Variants in SEMA5B observed in about 807,000 individuals in gnomAD.
SEMA5B encodes the protein semaphorin 5B, also known as semaphorin-5B.
Under a neutral mutation model 135.0 loss-of-function variants are expected in SEMA5B, and 66 were observed. The observed-to-expected ratio is 0.49, with a 90% CI of 0.40 to 0.60. The LOEUF is 0.60. Among genes scored for constraint, SEMA5B ranks in the 20% least tolerant of loss-of-function variants. SEMA5B has a pLI of 0.00. For missense variants in SEMA5B, 1,501 were observed against 1,566.3 expected (o/e 0.96, Z 0.70); for synonymous variants, 690 against 639.5 (o/e 1.08, Z -1.19).
intron 2 of SEMA5B, 72 bp downstream of exon 2, chr3:122,961,068 G>T: frequency 6.8e-7 from 1 of 1,469,548 alleles, no homozygotes; most frequent in Non-Finnish European, 9.2e-7. Context: ...CCCAGATGAG[G>T]GGGTCTTCTC....
chr3:122,971,211 AT>A (rs1284172053), intron 1 of SEMA5B, among the ~76,000 whole-genome samples: 1 of 152,216 alleles, frequency 6.6e-6, no homozygotes, highest in Non-Finnish European at 1.5e-5. Context: ...TATCTGGTTA[AT>A]GTCTGCAAAC....
intron 2 of SEMA5B, 120 bp downstream of exon 2, chr3:122,961,020 A>G (rs1940550402): frequency 9.6e-7 from 1 of 1,046,410 alleles, no homozygotes; most frequent in Non-Finnish European, 1.4e-6. Context: ...CTGCTCAAAT[A>G]CAGTGGACTG....
intron 1 of SEMA5B, among the ~76,000 whole-genome samples, chr3:123,025,369 C>G (rs936884566): frequency 1.5e-4 from 23 of 152,180 alleles, no homozygotes; most frequent in Admixed American, 1.2e-3. Flanking sequence ...GTTCTCCCTC[C>G]CCAAACACAT....
Position 122,912,833 on chromosome 3 carries a change from G to C in SEMA5B, c.2725+10C>G, listed in dbSNP as rs1358813594. On this transcript the variant is annotated intron_variant, in intron 18 of 22. Transcript: ENST00000357599. ...TCGCTAGGCCAAGGATTCCTTCCGT[G>C]CAGGGTTACCTGGGCAAGCCTGGGG... is the stretch of plus-strand genomic sequence containing the variant. 6.4e-7 allele frequency: 1 copy of C among 1,556,670 alleles called. No homozygotes were observed. The highest frequency in any genetic ancestry group is 1.4e-5 in the African/African-American group (1 of 72,558).
At chr3:122,971,825 G>A (rs758104747) in intron 1 of SEMA5B, among the ~76,000 whole-genome samples, 4 of 152,242 alleles carry the variant, frequency 2.6e-5, no homozygotes, top group East Asian at 1.9e-4. Flanking sequence ...TCCTGAACTC[G>A]TCAATAGACA....
intron 2 of SEMA5B, among the ~76,000 whole-genome samples, chr3:122,954,946 C>A (rs1260628647): frequency 6.6e-6 from 1 of 150,736 alleles, no homozygotes; most frequent in Non-Finnish European, 1.5e-5. Flanking sequence ...GCACATACCA[C>A]CAGGCTGGGC....
chr3:122,930,608 C>T (rs943160502), intron 5 of SEMA5B, among the ~76,000 whole-genome samples: 2 of 152,192 alleles, frequency 1.3e-5, no homozygotes, highest in African/African-American at 2.4e-5. Context: ...AAAGGGTCCT[C>T]GAGTCTCTGA....
At chr3:122,934,940 T>C (rs1939179965) in intron 5 of SEMA5B, among the ~76,000 whole-genome samples, 3 of 152,082 alleles carry the variant, frequency 2.0e-5, no homozygotes, top group Non-Finnish European at 4.4e-5. Context: ...TGTTATGATA[T>C]GTCTGAGATT....
Position 122,976,136 on chromosome 3 carries a change from C to T in SEMA5B, c.-38-14835G>A, listed in dbSNP as rs1322424749. ...ACAGATGCAGCATGTGGTTTATACA[C>T]TCTCATCACTTCCTCACCCTGTGTT... On this transcript the variant is annotated intron_variant, in intron 1 of 22. Coordinates refer to ENST00000357599, the MANE Select transcript of SEMA5B (RefSeq NM_001031702.4). The T allele has an allele frequency of 5.2e-6, 8 of 1,535,162 alleles. 1 individual carries two copies. The highest frequency in any genetic ancestry group is 2.7e-5 in the African/African-American group (2 of 73,124).
At chr3:122,918,683 A>C (rs549540366) in intron 12 of SEMA5B, among the ~76,000 whole-genome samples, 11 of 152,188 alleles carry the variant, frequency 7.2e-5, no homozygotes, top group Non-Finnish European at 1.6e-4. Context: ...AGGATACCAG[A>C]TTCTTCATGG....
At chr3:122,941,768 G>A (rs1939574119) in intron 4 of SEMA5B, among the ~76,000 whole-genome samples, 1 of 152,242 alleles carries the variant, frequency 6.6e-6, no homozygotes, top group Admixed American at 6.5e-5. Context: ...GAATTAGGTT[G>A]AAGGATCACA....
intron 10 of SEMA5B, 36 bp downstream of exon 10, chr3:122,923,581 T>C: frequency 1.2e-6 from 2 of 1,612,230 alleles, no homozygotes; most frequent in Non-Finnish European, 1.7e-6. Context: ...GGTAAGGCAG[T>C]GTGTGAAGAC....
chr3:123,001,006 C>G (rs1183860221), intron 1 of SEMA5B, among the ~76,000 whole-genome samples: 2 of 152,148 alleles, frequency 1.3e-5, no homozygotes, highest in African/African-American at 4.8e-5. Flanking sequence ...AGATGGGGAG[C>G]CGGCTGATCC....
At chr3:123,017,341 T>TA (rs879737085) in intron 1 of SEMA5B, among the ~76,000 whole-genome samples, 3,270 of 145,122 alleles carry the variant, frequency 0.023, 114 homozygotes, top group African/African-American at 0.077. Flanking sequence ...ATCTTACAGT[T>TA]AAAAAAAAAA....
intron 5 of SEMA5B, among the ~76,000 whole-genome samples, chr3:122,938,144 T>C (rs1939384028): frequency 6.6e-6 from 1 of 152,242 alleles, no homozygotes; most frequent in African/African-American, 2.4e-5. Flanking sequence ...TATGTGCATA[T>C]TCCTTGCGGC....
chr3:122,993,095 T>G (rs932018392), intron 1 of SEMA5B: 1 of 152,234 alleles, frequency 6.6e-6, no homozygotes, highest in Non-Finnish European at 1.5e-5. Flanking sequence ...AACATTTCCC[T>G]GTAGAGTCCA....
At chr3:123,003,680 A>G (rs543552753) in intron 1 of SEMA5B, among the ~76,000 whole-genome samples, 1 of 152,164 alleles carries the variant, frequency 6.6e-6, no homozygotes, top group East Asian at 1.9e-4. Flanking sequence ...TAAAAATACA[A>G]AAAATTAGCC....
In SEMA5B at chr3:122,927,973, T is replaced by A; in HGVS notation, c.667A>T (p.Ile223Phe). 1.3e-6 allele frequency: 2 copies of A among 1,525,906 alleles called. No homozygotes were observed. The highest frequency in any genetic ancestry group is 1.8e-6 in the Non-Finnish European group (2 of 1,134,014). 94.5% of individuals were successfully genotyped at this position (1,525,906 alleles called of 1,614,324 possible). The change falls in exon 8 of 23, where the codon ATC becomes TTC. Residue 223 changes from isoleucine (I) to phenylalanine (F), a missense_variant. Physicochemically the swap from Ile to Phe is conservative, Grantham distance 21. This residue lies in a region of SEMA5B where 574 missense variants were observed against 684.7 expected (regional missense o/e 0.84). Transcript: ENST00000357599. ...VGNLSRTIEKINGVARCPYDP... is the reference protein window; with the variant it reads ...VGNLSRTIEKFNGVARCPYDP... ...TAGGGGCAGCGGGCCACACCATTGATCTTCTCAATAGTCCGGCTGAGGTTC... is the reference window on the plus strand; with the variant it reads ...TAGGGGCAGCGGGCCACACCATTGAACTTCTCAATAGTCCGGCTGAGGTTC...
intron 21 of SEMA5B, 126 bp from the exon 22 acceptor site, chr3:122,911,171 A>G: frequency 9.7e-7 from 1 of 1,033,158 alleles, no homozygotes; most frequent in Middle Eastern, 3.1e-4. Context: ...CTCTGAGGCC[A>G]CAGCCAAAGG....
Sources: gnomAD v4.1 joint callset for allele counts (sites outside exome capture counted in the v4.1 genomes callset) on GRCh38, gnomAD v4.1.1 for gene constraint, gnomAD v4.1.1 regional missense constraint, MANE v1.5 for transcripts, NCBI Gene and HGNC (gene_info 2026-07-23, HGNC 2026-07-21) for gene names.